FSTL4: variants seen among roughly 807,000 people sequenced by gnomAD.
FSTL4 encodes the protein follistatin like 4.
A neutral mutation model predicts 78.2 loss-of-function variants in FSTL4; 28 were observed. The ratio of observed to expected loss-of-function variants is 0.36; its 90% CI spans 0.27 to 0.49. The LOEUF (loss-of-function observed/expected upper bound fraction) is 0.49, where lower values mean the gene tolerates loss of function less well. FSTL4 is among the 20% of genes least tolerant of loss of function. FSTL4 has a pLI of 0.98. For synonymous variants in FSTL4, 422 were observed against 440.5 expected, an observed-to-expected ratio of 0.96 and a Z score of 0.53; for missense variants, 922 against 1,084.9, an observed-to-expected ratio of 0.85 and a Z score of 2.11.
At chr5:133,454,192 T>C (rs898189342) in intron 3 of FSTL4, among the ~76,000 whole-genome samples, 2 of 152,132 alleles carry the variant, frequency 1.3e-5, no homozygotes, top group Non-Finnish European at 2.9e-5. Flanking sequence ...CAACAACAAC[T>C]AGGACATAAA....
At chr5:133,341,270 AC>A (rs1207200069) in intron 4 of FSTL4, among the ~76,000 whole-genome samples, 7 of 150,908 alleles carry the variant, frequency 4.6e-5, no homozygotes, top group Admixed American at 2.6e-4. Flanking sequence ...AAAAAAAAAA[AC>A]GTGTGCAGGA....
intron 3 of FSTL4, among the ~76,000 whole-genome samples, chr5:133,514,768 A>AT (rs1208462678): frequency 1.3e-5 from 2 of 152,212 alleles, no homozygotes; most frequent in Non-Finnish European, 2.9e-5. Flanking sequence ...AAAACAATTT[A>AT]TTTTTTAAAC....
At chr5:133,730,261 C>T in the FSTL4 span, among the ~76,000 whole-genome samples, 1 of 152,196 alleles carries the variant, frequency 6.6e-6, no homozygotes, top group African/African-American at 2.4e-5. Context: ...AGTAAAATTT[C>T]TCATCTCTCA....
At chr5:133,251,076 G>A (rs1029269616) in intron 6 of FSTL4, among the ~76,000 whole-genome samples, 5 of 152,190 alleles carry the variant, frequency 3.3e-5, no homozygotes, top group African/African-American at 1.2e-4. Flanking sequence ...TGCATTTCAA[G>A]TTCCCCCTTA....
chr5:133,220,221 A>G (rs1036221099), intron 12 of FSTL4, among the ~76,000 whole-genome samples: 5 of 152,248 alleles, frequency 3.3e-5, no homozygotes, highest in Admixed American at 3.3e-4. Flanking sequence ...CCTGTCCTCA[A>G]GGAGCGCAGG....
intron 14 of FSTL4, among the ~76,000 whole-genome samples, chr5:133,208,859 C>T (rs776427443): frequency 2.0e-5 from 3 of 152,124 alleles, no homozygotes; most frequent in East Asian, 3.9e-4. Flanking sequence ...TTAGTAGAGA[C>T]GGGGTTTCAC....
rs1756055887 is a variant in FSTL4, at chr5:133,396,655, G to C, written c.409+4083C>G. 2.0e-5 allele frequency among the ~76,000 whole-genome samples: 3 copies of C among 152,270 alleles called. No individual in the cohort carries two copies. In the South Asian group the frequency reaches 6.2e-4, roughly 32 times the overall value. On this transcript the variant is annotated intron_variant, in intron 4 of 15. Coordinates refer to ENST00000265342, the MANE Select transcript of FSTL4 (RefSeq NM_015082.2). ...GTGGAAGTATAGAAATGCCCCTGGAGGTGTGGGGCCCAATTTAAATTCCTA... is the reference window on the plus strand; with the variant it reads ...GTGGAAGTATAGAAATGCCCCTGGACGTGTGGGGCCCAATTTAAATTCCTA...
intron 3 of FSTL4, among the ~76,000 whole-genome samples, chr5:133,451,771 C>T (rs1232851819): frequency 6.6e-6 from 1 of 152,022 alleles, no homozygotes; most frequent in African/African-American, 2.4e-5. Flanking sequence ...CTCCAAGGCT[C>T]CTGAGGCATT....
chr5:133,577,409 T>C (rs1377522744), intron 2 of FSTL4, among the ~76,000 whole-genome samples: 5 of 151,926 alleles, frequency 3.3e-5, no homozygotes, highest in South Asian at 2.1e-4. Flanking sequence ...GCTCTGGGGT[T>C]AGAGAGAGGT....
intron 4 of FSTL4, among the ~76,000 whole-genome samples, chr5:133,345,728 A>G (rs1754684626): frequency 6.6e-6 from 1 of 152,240 alleles, no homozygotes. Context: ...GCGATCATTA[A>G]AAAGTCAGGA....
the FSTL4 span, among the ~76,000 whole-genome samples, chr5:133,784,436 C>T: frequency 0.012 from 1,855 of 152,308 alleles, 37 homozygotes; most frequent in African/African-American, 0.041. Flanking sequence ...GGGGAGAACA[C>T]CCCATTCCTT....
At chr5:133,324,736 G>A (rs1355315590) in intron 4 of FSTL4, among the ~76,000 whole-genome samples, 1 of 152,242 alleles carries the variant, frequency 6.6e-6, no homozygotes, top group African/African-American at 2.4e-5. Flanking sequence ...CAGGTGGCAG[G>A]TGGGCTTGGA....
Position 133,316,840 on chromosome 5 carries a change from T to C in FSTL4, c.410-188A>G, listed in dbSNP as rs17166557. Among the ~76,000 whole-genome samples, 1,454 of 149,046 alleles carry C rather than the reference T, an allele frequency of 9.8e-3. 15 individuals carry two copies. Among genetic ancestry groups the C allele is most frequent in the African/African-American group, 0.034 (1,389 of 40,908 alleles). ...CACCAATCCATCCCATAAATATTGA[T>C]GGAACATGGAATGCATGCTACACAT... On this transcript the variant is annotated intron_variant, in intron 4 of 15. Coordinates refer to ENST00000265342, the MANE Select transcript of FSTL4 (RefSeq NM_015082.2).
chr5:133,504,075 C>A (rs913041824), intron 3 of FSTL4, among the ~76,000 whole-genome samples: 1 of 152,060 alleles, frequency 6.6e-6, no homozygotes, highest in Non-Finnish European at 1.5e-5. Flanking sequence ...GGGGAAACTG[C>A]CCCCATGATT....
chr5:133,382,222 C>CT lies in FSTL4; in HGVS notation c.409+18515dup, dbSNP rs564076468. 3.8e-3 allele frequency among the ~76,000 whole-genome samples: 576 copies of CT among 152,364 alleles called. 3 individuals carry two copies. The highest frequency in any genetic ancestry group is 0.012 in the African/African-American group (515 of 41,590). ...CTGGTTCTCAGATGCCTGGCCTTCC[C>CT]TACATCACTGACTGCAGAAGGCCAT... On this transcript the variant is annotated intron_variant, in intron 4 of 15. Transcript: ENST00000265342.
At chr5:133,792,736 A>G in the FSTL4 span, among the ~76,000 whole-genome samples, 271 of 152,360 alleles carry the variant, frequency 1.8e-3, 1 homozygote, top group African/African-American at 5.9e-3. Flanking sequence ...GGAAAGTCGA[A>G]GGAGAGGAAT....
At chr5:133,723,933 G>A in the FSTL4 span, among the ~76,000 whole-genome samples, 1 of 152,198 alleles carries the variant, frequency 6.6e-6, no homozygotes, top group Admixed American at 6.5e-5. Flanking sequence ...TTAGGGCATA[G>A]CAGCAGCTCA....
chr5:133,686,774 G>A, the FSTL4 span, among the ~76,000 whole-genome samples: 1 of 152,240 alleles, frequency 6.6e-6, no homozygotes, highest in Non-Finnish European at 1.5e-5. Flanking sequence ...TACTTTCATT[G>A]ATGTTTACTC....
At chr5:133,340,943 C>T (rs1018600227) in intron 4 of FSTL4, among the ~76,000 whole-genome samples, 1 of 151,870 alleles carries the variant, frequency 6.6e-6, no homozygotes, top group Non-Finnish European at 1.5e-5. Flanking sequence ...GCCTGGCCCT[C>T]TATTGTCAAA....
Sources: gnomAD v4.1 joint callset for allele counts (sites outside exome capture counted in the v4.1 genomes callset) on GRCh38, gnomAD v4.1.1 for gene constraint, MANE v1.5 for transcripts, NCBI Gene and HGNC (gene_info 2026-07-23, HGNC 2026-07-21) for gene names.